Variants in LMTK2 observed in about 807,000 individuals in gnomAD.
LMTK2 encodes the protein lemur tail kinase 2.
Under a neutral mutation model 127.5 loss-of-function variants are expected in LMTK2, and 37 were observed. The observed-to-expected ratio is 0.29, with a 90% CI of 0.22 to 0.38. The LOEUF is 0.38. Among genes scored for constraint, LMTK2 ranks in the 10% least tolerant of loss-of-function variants. LMTK2 has a pLI of 1.00. For synonymous variants in LMTK2, 819 were observed against 810.1 expected (o/e 1.01, Z -0.19); for missense variants, 1,694 against 1,920.3 (o/e 0.88, Z 2.20).
chr7:98,201,599 G>GTGTTTTGTTTTGTTTTGTTTTGTTT (rs56186084), intron 11 of LMTK2, among the ~76,000 whole-genome samples: 6 of 149,692 alleles, frequency 4.0e-5, no homozygotes, highest in Admixed American at 4.0e-4. Context: ...CTTCGTGTGT[G>GTGTTTTGTTTTGTTTTGTTTTGTTT]TGTTTTGTTT....
At chr7:98,159,212 T>C in intron 5 of LMTK2, 126 bp from the exon 6 acceptor site, 1 of 538,402 alleles carries the variant, frequency 1.9e-6, no homozygotes, top group Non-Finnish European at 3.2e-6. Flanking sequence ...TTTATGTAAA[T>C]ATTATATAAA....
At position 98,206,545 on chromosome 7, in the gene LMTK2, C is replaced by G. The variant is rs1235554460; in HGVS notation, c.*1053C>G. On this transcript the variant is annotated 3_prime_UTR_variant, in exon 14 of 14. Coordinates refer to ENST00000297293, the MANE Select transcript of LMTK2 (RefSeq NM_014916.4). ...GCTTCCCTCCGCGCAGCTCTTCTGCCTGGTTTTCGGAGGCCAGGCTGCTGG... is the reference window on the plus strand; with the variant it reads ...GCTTCCCTCCGCGCAGCTCTTCTGCGTGGTTTTCGGAGGCCAGGCTGCTGG... 6.6e-6 allele frequency: 1 copy of G among 152,276 alleles called. No individual in the cohort carries two copies. Among genetic ancestry groups the G allele is most frequent in the Non-Finnish European group, 1.5e-5 (1 of 68,058 alleles). 9.4% of individuals were successfully genotyped at this position (152,276 alleles called of 1,614,324 possible). A position where few individuals can be genotyped will look rare whatever the true frequency, so the allele number is the denominator to read the frequency against.
intron 1 of LMTK2, among the ~76,000 whole-genome samples, chr7:98,116,451 T>C (rs539123995): frequency 5.3e-5 from 8 of 151,788 alleles, no homozygotes; most frequent in Admixed American, 1.3e-4. Context: ...TGTGTCCGCG[T>C]GTGTGTGTGT....
chr7:98,107,439 C>T (rs1339743291), intron 1 of LMTK2, among the ~76,000 whole-genome samples, 159 bp downstream of exon 1: 3 of 23,658 alleles, frequency 1.3e-4, no homozygotes, highest in Admixed American at 7.1e-4. Flanking sequence ...GCCGCAGGGG[C>T]GTGGGATTTG....
intron 11 of LMTK2, among the ~76,000 whole-genome samples, chr7:98,201,821 G>T (rs1797708799): frequency 6.6e-6 from 1 of 152,092 alleles, no homozygotes; most frequent in South Asian, 2.1e-4. Context: ...TGTTGCCCAG[G>T]CTGGTTTTGA....
chr7:98,197,545 C>T (rs996051814), intron 11 of LMTK2, among the ~76,000 whole-genome samples: 1 of 152,220 alleles, frequency 6.6e-6, no homozygotes, highest in Non-Finnish European at 1.5e-5. Flanking sequence ...CCAGCCTGAT[C>T]CGTCATACTG....
chr7:98,187,488 T>G (rs925172490), intron 9 of LMTK2, among the ~76,000 whole-genome samples: 7 of 152,304 alleles, frequency 4.6e-5, no homozygotes, highest in African/African-American at 1.7e-4. Flanking sequence ...TCTCCTTGCT[T>G]TCTTTTGGAT....
At chr7:98,168,548 A>T (rs192980391) in intron 6 of LMTK2, among the ~76,000 whole-genome samples, 1 of 152,344 alleles carries the variant, frequency 6.6e-6, no homozygotes, top group East Asian at 1.9e-4. Flanking sequence ...ATCCTATTAA[A>T]CATATAAATG....
chr7:98,140,200 G>A lies in LMTK2; in HGVS notation c.232-1197G>A. On this transcript the variant is annotated intron_variant, in intron 2 of 13. Transcript: ENST00000297293. ...TCTTTTCTTTCTTCTTTCTGTCTTT[G>A]AGATGGTCTCGCTCTATCACCCAGC... Among the ~76,000 whole-genome samples the A allele has an allele frequency of 1.6e-4, 19 of 120,752 alleles. 9 individuals are homozygous for A. The South Asian group carries it at 5.6e-3, about 36-fold the overall frequency. The allele number at this position is 120,752 out of a possible 152,430, so 79.2% of individuals were successfully genotyped here.
chr7:98,192,893 T>G lies in LMTK2; in HGVS notation c.2428T>G (p.Ser810Ala). ...GDTLSTSLQS[S>A]PEVQVPPTSF... The stretch of plus-strand genomic sequence containing the variant: ...CACTTTGAGCACCTCATTGCAGTCT[T>G]CCCCGGAAGTGCAGGTACCTCCTAC... The change falls in exon 11 of 14, where the codon TCC becomes GCC. Residue 810 changes from serine to alanine, a missense_variant. Physicochemically the swap from Ser to Ala is moderately conservative, Grantham distance 99 (BLOSUM62 1). Transcript: ENST00000297293. 4 of 1,614,058 alleles carry G rather than the reference T, an allele frequency of 2.5e-6. No homozygotes were observed. The highest frequency in any genetic ancestry group is 3.4e-6 in the Non-Finnish European group (4 of 1,179,990).
intron 1 of LMTK2, among the ~76,000 whole-genome samples, chr7:98,129,516 C>T (rs1254065084): frequency 1.3e-5 from 2 of 152,050 alleles, no homozygotes; most frequent in Non-Finnish European, 2.9e-5. Flanking sequence ...AGGTGTGTGT[C>T]ACCGTACCTG....
intron 1 of LMTK2, among the ~76,000 whole-genome samples, chr7:98,123,275 C>T (rs1436522376): frequency 6.6e-6 from 1 of 152,250 alleles, no homozygotes; most frequent in Non-Finnish European, 1.5e-5. Flanking sequence ...TTTCTCAACA[C>T]AGTCACTTAA....
At chr7:98,181,230 T>A (rs1797351739) in intron 7 of LMTK2, among the ~76,000 whole-genome samples, 1 of 152,182 alleles carries the variant, frequency 6.6e-6, no homozygotes, top group Non-Finnish European at 1.5e-5. Context: ...TCATTTATGA[T>A]CTATAACAAG....
At chr7:98,203,167 G>A (rs962986353) in intron 11 of LMTK2, among the ~76,000 whole-genome samples, 6 of 152,208 alleles carry the variant, frequency 3.9e-5, no homozygotes, top group African/African-American at 7.2e-5. Flanking sequence ...TTCCTGCTCC[G>A]AAGCCAGAAC....
intron 3 of LMTK2, among the ~76,000 whole-genome samples, chr7:98,145,312 G>T (rs1796756437): frequency 6.6e-6 from 1 of 151,570 alleles, no homozygotes; most frequent in Non-Finnish European, 1.5e-5. Context: ...ATACAAAAAA[G>T]GATTTTTGAT....
rs1028590774 is a variant in LMTK2 at position 98,137,464 on chromosome 7, A to C, written c.231+22A>C. The C allele has an allele frequency of 5.0e-6, 8 of 1,597,324 alleles. No homozygotes were observed. The African/African-American group carries it at 1.1e-4, about 22-fold the overall frequency. ...TAAGGTGAGCACAGAGGGTAGGAAC[A>C]TTTAAAATGGTCTTCCAATATGTTT... is the stretch of plus-strand genomic sequence containing the variant. On this transcript the variant is annotated intron_variant, in intron 2 of 13. Transcript: ENST00000297293.
At chr7:98,107,463 G>C (rs1796129010) in intron 1 of LMTK2, among the ~76,000 whole-genome samples, 183 bp downstream of exon 1, 3 of 150,860 alleles carry the variant, frequency 2.0e-5, no homozygotes, top group Non-Finnish European at 3.0e-5. Flanking sequence ...GGGCGGGAGC[G>C]AGGCGACGTC....
intron 1 of LMTK2, among the ~76,000 whole-genome samples, chr7:98,134,601 G>A (rs1796571944): frequency 6.6e-6 from 1 of 151,332 alleles, no homozygotes; most frequent in African/African-American, 2.4e-5. Flanking sequence ...GCGCACTTGA[G>A]CACAGGAGTT....
intron 1 of LMTK2, among the ~76,000 whole-genome samples, chr7:98,112,983 A>AG (rs1796224803): frequency 6.6e-6 from 1 of 152,154 alleles, no homozygotes; most frequent in South Asian, 2.1e-4. Context: ...CAGCCTCCTG[A>AG]GTAGGTGTGT....
Sources: gnomAD v4.1 joint callset for allele counts (sites outside exome capture counted in the v4.1 genomes callset) on GRCh38, gnomAD v4.1.1 for gene constraint, MANE v1.5 for transcripts, NCBI Gene and HGNC (gene_info 2026-07-23, HGNC 2026-07-21) for gene names.